Variants in PUDP observed in about 807,000 individuals in gnomAD.
The protein encoded by PUDP is pseudouridine 5'-phosphatase, also known as pseudouridine-5'-phosphatase.
PUDP carries 8 observed loss-of-function variants against 9.4 expected under a neutral mutation model. That is an observed-to-expected ratio of 0.85 (90% CI 0.50 to 1.53). The LOEUF is 1.53. Ranked by LOEUF, PUDP falls within the 40% of genes most tolerant of loss-of-function variation. The pLI is 0.00. For synonymous variants in PUDP, 99 were observed against 80.7 expected (o/e 1.23, Z -1.22); for missense variants, 188 against 189.7 (o/e 0.99, Z 0.05).
chrX:6,927,283 T>G (rs1168504576), intron 3 of PUDP, among the ~76,000 whole-genome samples: 1 of 111,965 alleles, frequency 8.9e-6, no homozygotes, highest in Non-Finnish European at 1.9e-5. Flanking sequence ...TTAAAATTAC[T>G]ATGCTATAGG....
At chrX:7,071,308 A>G (rs1049726689) in intron 3 of PUDP, among the ~76,000 whole-genome samples, 8 of 111,332 alleles carry the variant, frequency 7.2e-5, no homozygotes, top group African/African-American at 2.6e-4. Flanking sequence ...AGGAAATCAC[A>G]TTGGAATCAC....
At chrX:7,072,918 A>AC (rs1930786014) in intron 3 of PUDP, among the ~76,000 whole-genome samples, 1 of 111,001 alleles carries the variant, frequency 9.0e-6, no homozygotes, top group Non-Finnish European at 1.9e-5. Flanking sequence ...TTTTTGTTTC[A>AC]CAACAATGAT....
At chrX:6,961,083 A>C (rs1385092641) in intron 3 of PUDP, among the ~76,000 whole-genome samples, 3 of 111,871 alleles carry the variant, frequency 2.7e-5, no homozygotes, top group African/African-American at 9.7e-5. Context: ...CCACCTGGCA[A>C]ACTCCTATTC....
At chrX:7,112,768 C>T (rs1200253234) in intron 1 of PUDP, among the ~76,000 whole-genome samples, 1 of 111,311 alleles carries the variant, frequency 9.0e-6, no homozygotes, top group African/African-American at 3.3e-5. Context: ...CTCAAGTGAT[C>T]CTCCCGCCTC....
chrX:6,925,840 G>T (rs1304044191), intron 3 of PUDP, among the ~76,000 whole-genome samples: 1 of 111,594 alleles, frequency 9.0e-6, no homozygotes, highest in Admixed American at 9.5e-5. Flanking sequence ...GAGCAGAAAG[G>T]GATGTTTTCT....
chrX:6,852,308 A>G (rs1333859041), intron 3 of PUDP, among the ~76,000 whole-genome samples: 1 of 112,463 alleles, frequency 8.9e-6, no homozygotes, highest in Non-Finnish European at 1.9e-5. Flanking sequence ...TGTCAGGGTA[A>G]GATCAACTTT....
chrX:6,751,015 G>A (rs1477137181), intron 3 of PUDP, among the ~76,000 whole-genome samples: 3 of 110,052 alleles, frequency 2.7e-5, no homozygotes, highest in East Asian at 2.8e-4. Context: ...GGTGGTGGGC[G>A]CCTGTAGTCC....
chrX:6,803,122 CAAAAT>C lies in PUDP; in HGVS notation c.*248-96661_*248-96657del, dbSNP rs1569102377. On this transcript the variant is annotated intron_variant and NMD_transcript_variant, in intron 3 of 3. Coordinates refer to the PUDP transcript ENST00000655425. ...TAAAATAAAATAAAATAAAATAAAA[CAAAAT>C]AAAATAAAATAACTAGAGCTGGAGA... is the stretch of plus-strand genomic sequence containing the variant. Among the ~76,000 whole-genome samples the C allele has an allele frequency of 3.0e-4, 27 of 90,691 alleles. 1 individual carries two copies. The highest frequency in any genetic ancestry group is 8.1e-4 in the African/African-American group (21 of 25,777). 78.8% of individuals were successfully genotyped at this position (90,691 alleles called of 115,157 possible). A position where few individuals can be genotyped will look rare whatever the true frequency, so the allele number is the denominator to read the frequency against.
chrX:6,931,244 C>T (rs761654198), intron 3 of PUDP, among the ~76,000 whole-genome samples: 54 of 112,124 alleles, frequency 4.8e-4, no homozygotes, highest in Non-Finnish European at 8.6e-4. Flanking sequence ...TTCTTGTGTT[C>T]CTGGTTTATA....
intron 1 of PUDP, among the ~76,000 whole-genome samples, chrX:7,107,318 A>G (rs1230738685): frequency 6.2e-5 from 7 of 112,084 alleles, no homozygotes; most frequent in African/African-American, 2.3e-4. Flanking sequence ...ATCCCTAAAT[A>G]CTAGTTTTTT....
chrX:6,911,235 G>A (rs1602669653), intron 3 of PUDP, among the ~76,000 whole-genome samples: 1 of 95,140 alleles, frequency 1.1e-5, no homozygotes. Flanking sequence ...TCACTCTATT[G>A]CCTAGGCTGG....
intron 3 of PUDP, among the ~76,000 whole-genome samples, chrX:6,772,779 AAAAC>A (rs201095195): frequency 2.8e-5 from 3 of 106,708 alleles, no homozygotes; most frequent in Admixed American, 1.0e-4. Flanking sequence ...GCAGAAAATT[AAAAC>A]AAACAAACAA....
intron 3 of PUDP, among the ~76,000 whole-genome samples, chrX:6,819,655 T>G (rs1482095648): frequency 8.9e-6 from 1 of 112,601 alleles, no homozygotes; most frequent in Non-Finnish European, 1.9e-5. Context: ...TTTTCACTTG[T>G]AATACTTTGT....
At chrX:7,108,948 T>C (rs1021307480) in intron 1 of PUDP, among the ~76,000 whole-genome samples, 5 of 112,391 alleles carry the variant, frequency 4.4e-5, no homozygotes, top group African/African-American at 1.6e-4. Context: ...GCCCAATCCC[T>C]GAATGGAGGG....
intron 3 of PUDP, among the ~76,000 whole-genome samples, chrX:6,741,155 A>C (rs1924931380): frequency 9.8e-6 from 1 of 102,541 alleles, no homozygotes; most frequent in Admixed American, 1.0e-4. Flanking sequence ...TTAAGACTCC[A>C]TCTCCAAAAA....
intron 3 of PUDP, among the ~76,000 whole-genome samples, chrX:6,907,797 G>A (rs897929389): frequency 1.8e-5 from 2 of 111,895 alleles, no homozygotes; most frequent in Non-Finnish European, 1.9e-5. Context: ...GAGAGACCAG[G>A]ATGGGCAAGA....
chrX:6,944,224 C>A (rs904681561), intron 3 of PUDP, among the ~76,000 whole-genome samples: 1 of 110,870 alleles, frequency 9.0e-6, no homozygotes, highest in Non-Finnish European at 1.9e-5. Flanking sequence ...CCCTGGGGTT[C>A]TCTCTCTCTC....
At chrX:6,876,639 A>ATATGTGTGTGTGTGTGTGTG (rs749582262) in intron 3 of PUDP, among the ~76,000 whole-genome samples, 1 of 92,799 alleles carries the variant, frequency 1.1e-5, no homozygotes, top group Non-Finnish European at 2.2e-5. Context: ...CTAAAATGTT[A>ATATGTGTGTGTGTGTGTGTG]TGTGTGTGTG....
At chrX:6,825,535 T>C (rs747083566) in intron 3 of PUDP, among the ~76,000 whole-genome samples, 1 of 111,547 alleles carries the variant, frequency 9.0e-6, no homozygotes, top group Non-Finnish European at 1.9e-5. Context: ...TAAAAGGTGA[T>C]GGACATGGTG....
Sources: allele counts gnomAD v4.1 joint callset (sites outside exome capture counted in the v4.1 genomes callset), GRCh38; gene constraint gnomAD v4.1.1; transcripts MANE v1.5; gene names NCBI Gene and HGNC (gene_info 2026-07-23, HGNC 2026-07-21).